The following PLS1 variants were observed in gnomAD, a reference collection of about 807,000 sequenced individuals.
PLS1 encodes the protein plastin 1, also known as plastin-1.
A neutral mutation model predicts 73.7 loss-of-function variants in PLS1; 32 were observed. The ratio of observed to expected loss-of-function variants is 0.43; its 90% CI spans 0.33 to 0.58. PLS1 has a LOEUF of 0.58. PLS1 is among the 20% of genes least tolerant of loss of function. PLS1 has a pLI of 0.04. For synonymous variants in PLS1, 217 were observed against 261.3 expected (o/e 0.83, Z 1.63); for missense variants, 633 against 740.5 (o/e 0.85, Z 1.68).
intron 10 of PLS1, among the ~76,000 whole-genome samples, chr3:142,690,041 T>C (rs537248702): frequency 3.3e-5 from 5 of 152,216 alleles, no homozygotes; most frequent in Non-Finnish European, 7.3e-5. Context: ...AAAACTATCA[T>C]ACATTTAAAA....
At position 142,712,810 on chromosome 3, in the gene PLS1, T is replaced by C. The variant is rs1933197123; in HGVS notation, c.*803T>C. On this transcript the variant is annotated 3_prime_UTR_variant, in exon 16 of 16. Transcript: ENST00000457734. ...GGTCATTCAGCCAACCATCAGTATT[T>C]TCCCCCCACAACATGTGTAACACTT... 1 of 152,554 alleles carries C rather than the reference T, an allele frequency of 6.6e-6. No homozygotes were observed. Among genetic ancestry groups the C allele is most frequent in the Non-Finnish European group, 1.5e-5 (1 of 67,970 alleles). 9.5% of individuals were successfully genotyped at this position (152,554 alleles called of 1,614,324 possible).
intron 1 of PLS1, among the ~76,000 whole-genome samples, chr3:142,609,040 C>T (rs972571346): frequency 1.3e-5 from 2 of 152,116 alleles, no homozygotes; most frequent in African/African-American, 2.4e-5. Context: ...TGTGGTAATA[C>T]TGTGTGAATG....
intron 2 of PLS1, 39 bp downstream of exon 2, chr3:142,664,346 G>T: frequency 9.5e-7 from 1 of 1,047,190 alleles, no homozygotes; most frequent in African/African-American, 1.6e-5. Context: ...TTACTGGTCT[G>T]CTTGATGTCA....
At chr3:142,682,605 T>C (rs941399268) in intron 6 of PLS1, among the ~76,000 whole-genome samples, 2 of 152,230 alleles carry the variant, frequency 1.3e-5, no homozygotes, top group African/African-American at 4.8e-5. Context: ...ATTGGCTTAA[T>C]TTTCAGTCCA....
chr3:142,659,862 A>G (rs1193069294), intron 1 of PLS1, among the ~76,000 whole-genome samples: 1 of 151,972 alleles, frequency 6.6e-6, no homozygotes, highest in Non-Finnish European at 1.5e-5. Context: ...ACGCCTGGCT[A>G]ATTTACTTCC....
intron 1 of PLS1, among the ~76,000 whole-genome samples, chr3:142,597,744 C>T (rs1292882185): frequency 6.6e-6 from 1 of 152,144 alleles, no homozygotes; most frequent in African/African-American, 2.4e-5. Context: ...GCCTGGGATC[C>T]AGGTTTTCTC....
chr3:142,620,690 ATACT>A (rs749962934), intron 1 of PLS1, among the ~76,000 whole-genome samples: 1 of 152,176 alleles, frequency 6.6e-6, no homozygotes, highest in Non-Finnish European at 1.5e-5. Flanking sequence ...ATGGTTCAAA[ATACT>A]TACGCCTCAA....
chr3:142,608,294 A>G (rs1488380116), intron 1 of PLS1, among the ~76,000 whole-genome samples: 1 of 152,260 alleles, frequency 6.6e-6, no homozygotes, highest in Non-Finnish European at 1.5e-5. Flanking sequence ...CATGACTGTT[A>G]TGAGACAGCA....
chr3:142,632,571 A>G (rs2036587910), intron 1 of PLS1, among the ~76,000 whole-genome samples: 1 of 150,770 alleles, frequency 6.6e-6, no homozygotes, highest in South Asian at 2.1e-4. Context: ...ACCTCTAGGT[A>G]TATATTTGAA....
intron 12 of PLS1, chr3:142,698,279 T>A: frequency 2.3e-6 from 1 of 430,762 alleles, no homozygotes; most frequent in Non-Finnish European, 4.1e-6. Flanking sequence ...TATTTTCATC[T>A]TTATCAAGTC....
chr3:142,672,673 A>T (rs888403249), intron 4 of PLS1, among the ~76,000 whole-genome samples: 6 of 152,144 alleles, frequency 3.9e-5, no homozygotes, highest in African/African-American at 1.4e-4. Flanking sequence ...ATATGGCTTG[A>T]TGATTTCTTT....
intron 14 of PLS1, among the ~76,000 whole-genome samples, chr3:142,709,040 TTAAA>T (rs757477977): frequency 6.6e-5 from 10 of 152,318 alleles, no homozygotes; most frequent in Non-Finnish European, 1.0e-4. Flanking sequence ...TATAGCACAA[TTAAA>T]TAAGTCACTT....
intron 1 of PLS1, among the ~76,000 whole-genome samples, chr3:142,633,334 A>G (rs1337145962): frequency 6.6e-6 from 1 of 152,224 alleles, no homozygotes; most frequent in East Asian, 1.9e-4. Context: ...CACTACTGAA[A>G]TGTATACTTA....
At chr3:142,663,457 G>A (rs754240728) in intron 1 of PLS1, among the ~76,000 whole-genome samples, 13 of 151,966 alleles carry the variant, frequency 8.6e-5, no homozygotes, top group African/African-American at 1.9e-4. Flanking sequence ...CCCAACTTTC[G>A]AAGGCCAAGA....
chr3:142,709,318 A>ATT (rs1932997453), intron 14 of PLS1, among the ~76,000 whole-genome samples: 2 of 152,174 alleles, frequency 1.3e-5, no homozygotes, highest in African/African-American at 4.8e-5. Flanking sequence ...AGAAACAGAA[A>ATT]AGATACAAAA....
At chr3:142,617,707 A>G (rs891070021) in intron 1 of PLS1, among the ~76,000 whole-genome samples, 2 of 152,126 alleles carry the variant, frequency 1.3e-5, no homozygotes, top group African/African-American at 4.8e-5. Flanking sequence ...GCCGGGCATA[A>G]TGGCTCAGTC....
intron 1 of PLS1, among the ~76,000 whole-genome samples, chr3:142,638,788 C>T (rs1279677088): frequency 1.3e-5 from 2 of 151,840 alleles, no homozygotes; most frequent in African/African-American, 4.8e-5. Flanking sequence ...GTTGCACAGG[C>T]TAGAGTGTAA....
Position 142,664,188 on chromosome 3 carries a change from A to T in PLS1, c.-36-14A>T. The T allele has an allele frequency of 9.9e-7, 1 of 1,007,884 alleles. No homozygotes were observed. The highest frequency in any genetic ancestry group is 1.5e-6 in the Non-Finnish European group (1 of 658,380). The allele number at this position is 1,007,884 out of a possible 1,614,324, so 62.4% of individuals were successfully genotyped here. A position where few individuals can be genotyped will look rare whatever the true frequency, so the allele number is the denominator to read the frequency against. On this transcript the variant is annotated splice_polypyrimidine_tract_variant and intron_variant, in intron 1 of 15. Coordinates refer to ENST00000457734, the MANE Select transcript of PLS1 (RefSeq NM_001145319.2). The stretch of plus-strand genomic sequence containing the variant: ...AAAGGCTTCATGCTTTTTTTATAAT[A>T]TTGCTTTTTCTAGATATAAAGACCT...
At chr3:142,600,667 A>G (rs1040107033) in intron 1 of PLS1, among the ~76,000 whole-genome samples, 1 of 151,812 alleles carries the variant, frequency 6.6e-6, no homozygotes, top group Non-Finnish European at 1.5e-5. Flanking sequence ...CAGCCTTTCC[A>G]TTGAGCTGCA....
Sources: allele counts gnomAD v4.1 joint callset (sites outside exome capture counted in the v4.1 genomes callset), GRCh38; gene constraint gnomAD v4.1.1; transcripts MANE v1.5; gene names NCBI Gene and HGNC (gene_info 2026-07-23, HGNC 2026-07-21).